Variants in PRKN observed in about 807,000 individuals in gnomAD.
PRKN encodes E3 ubiquitin-protein ligase parkin.
A neutral mutation model predicts 59.5 loss-of-function variants in PRKN; 56 were observed. The observed-to-expected ratio is 0.94, with a 90% confidence interval of 0.76 to 1.18. The LOEUF is 1.18. Among genes scored for constraint, PRKN ranks in the 50% most tolerant of loss-of-function variants. The pLI is 0.00. For missense variants in PRKN, 657 were observed against 596.4 expected (o/e 1.10, Z -1.06); for synonymous variants, 250 against 222.1 (o/e 1.13, Z -1.12).
At position 161,391,676 on chromosome 6, in the gene PRKN, C is replaced by G. The variant is rs942147894; in HGVS notation, c.1084-4799G>C. Among the ~76,000 whole-genome samples, 1 of 152,010 alleles carries G rather than the reference C, an allele frequency of 6.6e-6. No homozygotes were observed. The highest frequency in any genetic ancestry group is 1.5e-5 in the Non-Finnish European group (1 of 68,022). On this transcript the variant is annotated intron_variant, in intron 9 of 11. Transcript: ENST00000366898. The surrounding 1 kb of genome is among the most constrained non-coding windows in gnomAD (Gnocchi z 4.9). ...CTGTGAAGCTTTCTTGTAGATGTGA[C>G]TAGGATCTATAATCAGTTTATTTTA...
chr6:161,943,071 T>A (rs1029770068), intron 6 of PRKN, among the ~76,000 whole-genome samples: 8 of 152,260 alleles, frequency 5.3e-5, no homozygotes, highest in Non-Finnish European at 7.3e-5. Context: ...CAAACTTTTT[T>A]AAAGATGCCT....
At chr6:162,664,422 C>T (rs1779018024) in intron 1 of PRKN, among the ~76,000 whole-genome samples, 1 of 152,122 alleles carries the variant, frequency 6.6e-6, no homozygotes, top group African/African-American at 2.4e-5. Flanking sequence ...AATGGGATTG[C>T]TGGGTTAAAT....
intron 3 of PRKN, among the ~76,000 whole-genome samples, chr6:162,204,300 T>C (rs1202031103): frequency 1.3e-5 from 2 of 152,156 alleles, no homozygotes; most frequent in African/African-American, 2.4e-5. Flanking sequence ...TAGGTGGTGC[T>C]AAGTGAAGCC....
rs943565853 is a variant in PRKN at position 161,507,709 on chromosome 6, T to C, written c.1083+41145A>G. 7.2e-5 allele frequency among the ~76,000 whole-genome samples: 11 copies of C among 152,174 alleles called. No homozygotes were observed. The South Asian group carries it at 1.0e-3, about 14-fold the overall frequency. On this transcript the variant is annotated intron_variant, in intron 9 of 11. Transcript: ENST00000366898. ...CTGCTCCTGATGGTACCATGCACAGTTGATATTTTCTGTCAATTTAATCCC... is the reference window on the plus strand; with the variant it reads ...CTGCTCCTGATGGTACCATGCACAGCTGATATTTTCTGTCAATTTAATCCC...
intron 1 of PRKN, among the ~76,000 whole-genome samples, chr6:162,707,897 T>C (rs527507630): frequency 1.3e-4 from 20 of 152,162 alleles, no homozygotes; most frequent in Admixed American, 1.2e-3. Flanking sequence ...GTATTTTTAG[T>C]AGAGACAGGG....
At chr6:161,926,235 G>A (rs908219818) in intron 6 of PRKN, among the ~76,000 whole-genome samples, 2 of 152,090 alleles carry the variant, frequency 1.3e-5, no homozygotes, top group African/African-American at 2.4e-5. Context: ...TGATCTATTC[G>A]GTAGTCCTAA....
chr6:162,595,891 A>T (rs951019018), intron 1 of PRKN, among the ~76,000 whole-genome samples: 12 of 152,204 alleles, frequency 7.9e-5, no homozygotes, highest in African/African-American at 2.9e-4. Flanking sequence ...TAGCAAAGAA[A>T]ATAAGCTCAT....
chr6:162,129,129 A>C (rs538205179), intron 4 of PRKN, among the ~76,000 whole-genome samples: 29 of 152,332 alleles, frequency 1.9e-4, no homozygotes, highest in African/African-American at 5.5e-4. Flanking sequence ...CAGGCTACAA[A>C]AATTCTCAAG....
intron 6 of PRKN, among the ~76,000 whole-genome samples, chr6:161,884,751 G>T (rs1795067798): frequency 6.6e-6 from 1 of 152,126 alleles, no homozygotes; most frequent in Non-Finnish European, 1.5e-5. Flanking sequence ...AGTAGTCAAT[G>T]AGTCTAGACG....
chr6:162,310,663 G>A (rs1313578947), intron 2 of PRKN, among the ~76,000 whole-genome samples: 1 of 151,868 alleles, frequency 6.6e-6, no homozygotes, highest in Non-Finnish European at 1.5e-5. Context: ...GTTAATGGGT[G>A]CAGCACACCA....
chr6:162,193,104 G>T (rs1330520386), intron 4 of PRKN, among the ~76,000 whole-genome samples: 1 of 152,204 alleles, frequency 6.6e-6, no homozygotes, highest in African/African-American at 2.4e-5. Context: ...TAGCACTACT[G>T]TGGGCTGGAT....
chr6:162,509,209 C>G (rs1489176339), intron 1 of PRKN, among the ~76,000 whole-genome samples: 2 of 152,158 alleles, frequency 1.3e-5, no homozygotes, highest in Non-Finnish European at 2.9e-5. Flanking sequence ...GAGTTTGCCT[C>G]AAAATTTTAA....
At chr6:162,059,935 A>T (rs1368813336) in intron 4 of PRKN, among the ~76,000 whole-genome samples, 2 of 152,212 alleles carry the variant, frequency 1.3e-5, no homozygotes, top group African/African-American at 4.8e-5. Flanking sequence ...GACACATGAA[A>T]ACTATGAGAA....
intron 1 of PRKN, among the ~76,000 whole-genome samples, chr6:162,674,402 A>G (rs974472339): frequency 4.6e-5 from 7 of 152,182 alleles, no homozygotes; most frequent in African/African-American, 1.7e-4. Context: ...GCAATATCAC[A>G]TTAAAAGTGA....
At chr6:162,280,096 A>C (rs9365396) in intron 2 of PRKN, among the ~76,000 whole-genome samples, 4,246 of 152,206 alleles carry the variant, frequency 0.028, 76 homozygotes, top group East Asian at 0.057. Flanking sequence ...TGAATACAGC[A>C]CACTGATGGG....
intron 7 of PRKN, among the ~76,000 whole-genome samples, chr6:161,758,458 A>C (rs1232527751): frequency 2.6e-5 from 4 of 152,214 alleles, no homozygotes; most frequent in Non-Finnish European, 5.9e-5. Context: ...GCTGTATCAA[A>C]GAAATCCTAC....
intron 1 of PRKN, among the ~76,000 whole-genome samples, chr6:162,545,757 C>T (rs985331344): frequency 3.3e-5 from 5 of 152,096 alleles, no homozygotes; most frequent in African/African-American, 1.2e-4. Flanking sequence ...AACTTTTAAA[C>T]ATGTTTGATA....
rs1310143811 is a variant in PRKN, at chr6:161,373,576, T to A, written c.1167+13218A>T. On this transcript the variant is annotated intron_variant, in intron 10 of 11. Transcript: ENST00000366898. This position sits in a 1 kb window ranked among gnomAD's most constrained non-coding sequence, Gnocchi z 4.8. ...TTTGCAGGGGTGCTGAGTTTAAATG[T>A]GCTATACCTCTGTGCTTTGCAGGGG... Among the ~76,000 whole-genome samples the A allele has an allele frequency of 6.6e-6, 1 of 150,736 alleles. No homozygotes were observed. Among genetic ancestry groups the A allele is most frequent in the Non-Finnish European group, 1.5e-5 (1 of 67,784 alleles).
Position 162,262,625 on chromosome 6 carries a change from C to T in PRKN, c.312G>A (p.Arg104=), listed in dbSNP as rs2128100077. The T allele has an allele frequency of 6.2e-7, 1 of 1,613,832 alleles. No individual in the cohort carries two copies. Residue 104 remains arginine, a synonymous_variant, in exon 3 of 12, where the codon CGG becomes CGA. Transcript: ENST00000366898. ...GGAGGACTGAGCTGCTGAGGTCCAC[C>T]CGAGTCAAGCTCTGGGGCTCCCGCT... ...GCEREPQSLT[R]VDLSSSVLPG...
Sources: allele counts gnomAD v4.1 joint callset (sites outside exome capture counted in the v4.1 genomes callset), GRCh38; gene constraint gnomAD v4.1.1; non-coding constraint Gnocchi (gnomAD v3.1); transcripts MANE v1.5; gene names NCBI Gene and HGNC (gene_info 2026-07-23, HGNC 2026-07-21).